Variants in SPOCK1 observed in about 807,000 individuals in gnomAD.
SPOCK1 encodes the protein testican-1.
A neutral mutation model predicts 55.3 loss-of-function variants in SPOCK1; 23 were observed. That is an observed-to-expected ratio of 0.42 (90% CI 0.30 to 0.59). The LOEUF is 0.59. Among genes scored for constraint, SPOCK1 ranks in the 20% least tolerant of loss-of-function variants. SPOCK1 has a pLI of 0.22. For synonymous variants in SPOCK1, 226 were observed against 221.0 expected, an observed-to-expected ratio of 1.02 and a Z score of -0.20; for missense variants, 499 against 552.5, an observed-to-expected ratio of 0.90 and a Z score of 0.97.
intron 6 of SPOCK1, among the ~76,000 whole-genome samples, chr5:137,000,787 T>C (rs1183691093): frequency 6.6e-6 from 1 of 152,184 alleles, no homozygotes; most frequent in African/African-American, 2.4e-5. Context: ...CTCATGCCTG[T>C]AATCCCAGCA....
intron 2 of SPOCK1, chr5:137,273,464 T>C (rs1044814301): frequency 2.5e-6 from 2 of 804,218 alleles, no homozygotes; most frequent in African/African-American, 3.7e-5. Flanking sequence ...ACATTTTTGA[T>C]AATTGCATCA....
At chr5:137,037,269 C>T (rs558607511) in intron 6 of SPOCK1, among the ~76,000 whole-genome samples, 11 of 151,344 alleles carry the variant, frequency 7.3e-5, no homozygotes, top group East Asian at 5.8e-4. Context: ...TCTTACTAGA[C>T]GGGAATAGGT....
chr5:137,322,185 A>G (rs1757991787), intron 2 of SPOCK1, among the ~76,000 whole-genome samples: 2 of 152,068 alleles, frequency 1.3e-5, no homozygotes, highest in Non-Finnish European at 2.9e-5. Flanking sequence ...TACAAAAATT[A>G]GCCAGGCATG....
intron 4 of SPOCK1, among the ~76,000 whole-genome samples, chr5:137,131,324 T>A (rs1459462291): frequency 6.6e-6 from 1 of 152,216 alleles, no homozygotes; most frequent in Non-Finnish European, 1.5e-5. Flanking sequence ...AAGAAGATTA[T>A]ATCGGCCAGG....
chr5:137,422,059 C>G (rs1315046932), intron 2 of SPOCK1, among the ~76,000 whole-genome samples: 1 of 152,238 alleles, frequency 6.6e-6, no homozygotes, highest in Non-Finnish European at 1.5e-5. Flanking sequence ...ACTTATGAAG[C>G]TCAGTTTGGC....
intron 2 of SPOCK1, among the ~76,000 whole-genome samples, chr5:137,455,564 T>C (rs942393445): frequency 6.6e-6 from 1 of 152,190 alleles, no homozygotes; most frequent in African/African-American, 2.4e-5. Context: ...TGAGATGGCC[T>C]GGAATAATAG....
intron 2 of SPOCK1, among the ~76,000 whole-genome samples, chr5:137,286,595 C>G (rs1349932899): frequency 7.9e-5 from 12 of 152,100 alleles, no homozygotes; most frequent in Admixed American, 7.2e-4. Context: ...CCCAGGGAGG[C>G]AGAATGAGGG....
At chr5:137,037,694 A>T (rs1463798231) in intron 6 of SPOCK1, among the ~76,000 whole-genome samples, 2 of 152,154 alleles carry the variant, frequency 1.3e-5, no homozygotes, top group Non-Finnish European at 2.9e-5. Flanking sequence ...CCTTGAACTC[A>T]TGGGAGTCGC....
intron 2 of SPOCK1, among the ~76,000 whole-genome samples, chr5:137,435,903 C>CCAGCA (rs1233636235): frequency 6.6e-6 from 1 of 151,838 alleles, no homozygotes; most frequent in Admixed American, 6.6e-5. Flanking sequence ...ACCTGTAATC[C>CCAGCA]CAGCACTTGG....
At chr5:137,293,608 A>G (rs568010744) in intron 2 of SPOCK1, among the ~76,000 whole-genome samples, 2 of 152,326 alleles carry the variant, frequency 1.3e-5, no homozygotes, top group South Asian at 2.1e-4. Context: ...TGCTCCTGGT[A>G]TGAATCATGA....
At chr5:137,153,835 G>A (rs1754362840) in intron 3 of SPOCK1, among the ~76,000 whole-genome samples, 1 of 151,596 alleles carries the variant, frequency 6.6e-6, no homozygotes, top group Admixed American at 6.6e-5. Context: ...TCCAGCCTGG[G>A]TGACAGAGCA....
chr5:137,258,302 T>G (rs1290130751), intron 3 of SPOCK1, among the ~76,000 whole-genome samples: 18 of 152,230 alleles, frequency 1.2e-4, no homozygotes, highest in Non-Finnish European at 2.6e-4. Flanking sequence ...CCGCATTGCC[T>G]TTCATCAGGC....
At chr5:137,242,706 C>G (rs899088137) in intron 3 of SPOCK1, among the ~76,000 whole-genome samples, 2 of 152,162 alleles carry the variant, frequency 1.3e-5, no homozygotes, top group African/African-American at 4.8e-5. Flanking sequence ...CCACTGCATT[C>G]CAGCCTGGGT....
chr5:137,302,413 C>A (rs1165638223), intron 2 of SPOCK1, among the ~76,000 whole-genome samples: 17 of 136,856 alleles, frequency 1.2e-4, no homozygotes, highest in African/African-American at 1.1e-4. Flanking sequence ...ACTAAAAATA[C>A]AAAAAAAAAA....
intron 5 of SPOCK1, among the ~76,000 whole-genome samples, chr5:137,106,731 A>G (rs1753377557): frequency 6.6e-6 from 1 of 152,142 alleles, no homozygotes; most frequent in Non-Finnish European, 1.5e-5. Context: ...CCCTGCAGCC[A>G]GTGTAAGCAT....
At chr5:137,256,304 T>C (rs1205649873) in intron 3 of SPOCK1, among the ~76,000 whole-genome samples, 1 of 152,240 alleles carries the variant, frequency 6.6e-6, no homozygotes, top group Non-Finnish European at 1.5e-5. Context: ...CAAGTGGCTT[T>C]AGGCCTTGTA....
intron 3 of SPOCK1, among the ~76,000 whole-genome samples, chr5:137,225,462 T>C (rs1225394303): frequency 2.6e-5 from 4 of 152,190 alleles, no homozygotes; most frequent in Non-Finnish European, 5.9e-5. Context: ...ATTAAAGAAC[T>C]TTCAAGTTTC....
At chr5:137,165,500 C>T (rs1247122914) in intron 3 of SPOCK1, among the ~76,000 whole-genome samples, 1 of 152,156 alleles carries the variant, frequency 6.6e-6, no homozygotes, top group Non-Finnish European at 1.5e-5. Flanking sequence ...TTCTTCAATG[C>T]CCAGACACAG....
At chr5:137,237,613 C>A (rs1351251555) in intron 3 of SPOCK1, among the ~76,000 whole-genome samples, 2 of 152,188 alleles carry the variant, frequency 1.3e-5, no homozygotes, top group African/African-American at 4.8e-5. Flanking sequence ...AAATAATTAG[C>A]CTTTATTTCT....
Sources: allele counts gnomAD v4.1 joint callset (sites outside exome capture counted in the v4.1 genomes callset), GRCh38; gene constraint gnomAD v4.1.1; transcripts MANE v1.5; gene names NCBI Gene and HGNC (gene_info 2026-07-23, HGNC 2026-07-21).